FOXO1: variants seen among roughly 807,000 people sequenced by gnomAD.
FOXO1 encodes the protein forkhead box O1.
A neutral mutation model predicts 44.1 loss-of-function variants in FOXO1; 6 were observed. The observed-to-expected ratio is 0.14, with a 90% CI of 0.07 to 0.27. FOXO1 has a LOEUF of 0.27. Among genes scored for constraint, FOXO1 ranks in the 10% least tolerant of loss-of-function variants. FOXO1 has a pLI of 1.00. For synonymous variants in FOXO1, 380 were observed against 362.7 expected, an observed-to-expected ratio of 1.05 and a Z score of -0.54; for missense variants, 737 against 888.8, an observed-to-expected ratio of 0.83 and a Z score of 2.17.
chr13:40,657,638 C>T (rs185166026), intron 1 of FOXO1, among the ~76,000 whole-genome samples: 1 of 152,272 alleles, frequency 6.6e-6, no homozygotes, highest in Non-Finnish European at 1.5e-5. Context: ...CAGGCCCAAT[C>T]TCCCATTTTC....
intron 1 of FOXO1, among the ~76,000 whole-genome samples, chr13:40,638,527 A>G (rs543591830): frequency 6.6e-6 from 1 of 152,342 alleles, no homozygotes; most frequent in East Asian, 1.9e-4. Flanking sequence ...TTACAGTCCA[A>G]TGAGATTTGG....
At chr13:40,597,367 CCAATAAGAGGG>C (rs1282194936) in intron 1 of FOXO1, among the ~76,000 whole-genome samples, 1 of 152,148 alleles carries the variant, frequency 6.6e-6, no homozygotes, top group East Asian at 1.9e-4. Flanking sequence ...AGACATCTTC[CCAATAAGAGGG>C]TAGTGGGAAC....
At chr13:40,567,626 T>C (rs1874320277) in intron 1 of FOXO1, among the ~76,000 whole-genome samples, 1 of 152,140 alleles carries the variant, frequency 6.6e-6, no homozygotes, top group South Asian at 2.1e-4. Flanking sequence ...GCAGAAATAA[T>C]TCTGCTTACT....
chr13:40,586,752 T>C lies in FOXO1; in HGVS notation c.631-25892A>G, dbSNP rs575015822. Among the ~76,000 whole-genome samples, 8 of 152,316 alleles carry C rather than the reference T, an allele frequency of 5.3e-5. No homozygotes were observed. In the South Asian group the frequency reaches 1.4e-3, roughly 28 times the overall value. ...AATGTTACTACTTAAACCTTTTACCTGCACAAGACTGCCCCTCTGTCTTTC... is the reference window on the plus strand; with the variant it reads ...AATGTTACTACTTAAACCTTTTACCCGCACAAGACTGCCCCTCTGTCTTTC... On this transcript the variant is annotated intron_variant, in intron 1 of 2. Coordinates refer to ENST00000379561, the MANE Select transcript of FOXO1 (RefSeq NM_002015.4).
intron 1 of FOXO1, among the ~76,000 whole-genome samples, chr13:40,575,189 C>A (rs577776396): frequency 7.8e-4 from 118 of 150,888 alleles, no homozygotes; most frequent in African/African-American, 2.8e-3. Context: ...AAAAAAAAAT[C>A]AAAAAGTTAG....
At chr13:40,572,842 T>C (rs1164494190) in intron 1 of FOXO1, among the ~76,000 whole-genome samples, 1 of 152,188 alleles carries the variant, frequency 6.6e-6, no homozygotes, top group African/African-American at 2.4e-5. Context: ...GTAGGTCTGC[T>C]GCGCAACAGC....
At chr13:40,589,205 A>C (rs922861622) in intron 1 of FOXO1, among the ~76,000 whole-genome samples, 1 of 152,252 alleles carries the variant, frequency 6.6e-6, no homozygotes, top group South Asian at 2.1e-4. Flanking sequence ...AGAATATTCT[A>C]CATTCAAAGA....
intron 1 of FOXO1, chr13:40,621,448 A>G (rs1439635486): frequency 4.4e-5 from 9 of 206,124 alleles, no homozygotes; most frequent in Non-Finnish European, 7.8e-5. Flanking sequence ...AGGATGAAAA[A>G]TAACAGATTA....
At chr13:40,579,554 G>C (rs1484143209) in intron 1 of FOXO1, among the ~76,000 whole-genome samples, 4 of 152,068 alleles carry the variant, frequency 2.6e-5, no homozygotes, top group African/African-American at 9.7e-5. Context: ...CAAAGAAGGG[G>C]GAAAGAAGAC....
rs1237139603 is a variant in FOXO1, at chr13:40,559,876, G to A, written c.1615C>T (p.Leu539=). ...QQTSAVNGRP[L]PHTVSTMPHT... is the part of the protein sequence containing the mutation. Reference sequence around the variant, plus strand: ...GGCATGGTGCTTACCGTGTGGGGCAGGGGACGCCCGTTAACTGCAGATGTC... The same window carrying A: ...GGCATGGTGCTTACCGTGTGGGGCAAGGGACGCCCGTTAACTGCAGATGTC... Residue 539 remains leucine (L), a synonymous_variant, in exon 2 of 3, where the codon CTG becomes TTG. Transcript: ENST00000379561. 1 of 1,614,160 alleles carries A rather than the reference G, an allele frequency of 6.2e-7. No homozygotes were observed. The highest frequency in any genetic ancestry group is 1.1e-5 in the South Asian group (1 of 91,078).
At chr13:40,578,805 G>C (rs527296898) in intron 1 of FOXO1, among the ~76,000 whole-genome samples, 1 of 152,306 alleles carries the variant, frequency 6.6e-6, no homozygotes, top group African/African-American at 2.4e-5. Context: ...AAACAAACAA[G>C]AGCAAAACTG....
rs191395431 is a variant in FOXO1, at chr13:40,615,318, C to T, written c.630+50265G>A. On this transcript the variant is annotated intron_variant, in intron 1 of 2. Transcript: ENST00000379561. ...CTGGGAGGCCGAGGCAGGCGGATCACCTGAGGTCAGGAGTTGGAGACCAGA... is the reference window on the plus strand; with the variant it reads ...CTGGGAGGCCGAGGCAGGCGGATCATCTGAGGTCAGGAGTTGGAGACCAGA... Among the ~76,000 whole-genome samples, 163 of 152,250 alleles carry T rather than the reference C, an allele frequency of 1.1e-3. 4 individuals carry two copies. In the East Asian group the frequency reaches 0.019, roughly 18 times the overall value.
chr13:40,617,920 G>A (rs1285508935), intron 1 of FOXO1, among the ~76,000 whole-genome samples: 1 of 152,136 alleles, frequency 6.6e-6, no homozygotes, highest in Non-Finnish European at 1.5e-5. Flanking sequence ...CAAGCCTCAG[G>A]TGATCAGAAA....
rs560296434 is a variant in FOXO1, at chr13:40,655,061, C to T, written c.630+10522G>A. Among the ~76,000 whole-genome samples the T allele has an allele frequency of 1.9e-4, 29 of 152,208 alleles. No homozygotes were observed. The South Asian group carries it at 5.6e-3, about 29-fold the overall frequency. ...CAAACATCAATAGTGGTCGGCAGGG[C>T]GTGGGGGCTCATGCCAGTGATCCCA... On this transcript the variant is annotated intron_variant, in intron 1 of 2. Transcript: ENST00000379561.
At chr13:40,607,575 G>A (rs1876057217) in intron 1 of FOXO1, among the ~76,000 whole-genome samples, 1 of 152,128 alleles carries the variant, frequency 6.6e-6, no homozygotes, top group South Asian at 2.1e-4. Context: ...AAGCCTATAG[G>A]GGAGATTCTA....
chr13:40,578,683 G>C (rs1275196251), intron 1 of FOXO1, among the ~76,000 whole-genome samples: 2 of 152,168 alleles, frequency 1.3e-5, no homozygotes, highest in Non-Finnish European at 1.5e-5. Flanking sequence ...GTTCCTTTTA[G>C]GGTGATTTGA....
At chr13:40,625,293 A>T (rs1417733449) in intron 1 of FOXO1, among the ~76,000 whole-genome samples, 2 of 152,236 alleles carry the variant, frequency 1.3e-5, no homozygotes, top group Non-Finnish European at 2.9e-5. Context: ...TGAGTACTAA[A>T]TTCATCATCC....
intron 1 of FOXO1, among the ~76,000 whole-genome samples, chr13:40,648,944 G>A (rs924537116): frequency 1.3e-5 from 2 of 152,174 alleles, no homozygotes; most frequent in Non-Finnish European, 2.9e-5. Flanking sequence ...ATCAACAGCC[G>A]TTGATGTGAT....
chr13:40,587,334 G>A (rs962166641), intron 1 of FOXO1, among the ~76,000 whole-genome samples: 25 of 149,998 alleles, frequency 1.7e-4, no homozygotes, highest in African/African-American at 5.9e-4. Flanking sequence ...AAGCAAATAC[G>A]AACAGATAGT....
Sources: allele counts gnomAD v4.1 joint callset (sites outside exome capture counted in the v4.1 genomes callset), GRCh38; gene constraint gnomAD v4.1.1; transcripts MANE v1.5; gene names NCBI Gene and HGNC (gene_info 2026-07-23, HGNC 2026-07-21).